The following ST3GAL2 variants were observed in gnomAD, a reference collection of about 807,000 sequenced individuals.
The protein encoded by ST3GAL2 is CMP-N-acetylneuraminate-beta-galactosamide-alpha-2,3-sialyltransferase 2.
In ST3GAL2, 16 loss-of-function variants were observed where a neutral mutation model predicts 37.5. That is an observed-to-expected ratio of 0.43 (90% CI 0.29 to 0.65). The LOEUF (loss-of-function observed/expected upper bound fraction) is 0.65. ST3GAL2 is among the 30% of genes least tolerant of loss of function. The pLI is 0.17. For synonymous variants in ST3GAL2, 238 were observed against 202.9 expected, an observed-to-expected ratio of 1.17 and a Z score of -1.47; for missense variants, 383 against 487.8, an observed-to-expected ratio of 0.79 and a Z score of 2.02.
At chr16:70,436,884 C>T (rs1218219639) in intron 1 of ST3GAL2, among the ~76,000 whole-genome samples, 2 of 152,102 alleles carry the variant, frequency 1.3e-5, no homozygotes, top group Admixed American at 6.6e-5. Context: ...TATAGGACAA[C>T]GCAAAATAAT....
Position 70,420,225 on chromosome 16 carries a change from T to C in ST3GAL2, c.-1004+18724A>G, listed in dbSNP as rs947335768. 2.0e-5 allele frequency among the ~76,000 whole-genome samples: 3 copies of C among 151,976 alleles called. No homozygotes were observed. The East Asian group carries it at 5.8e-4, about 29-fold the overall frequency. ...GAGACTTCTATAGTTTCTGCCAAGA[T>C]CAAATGTTGGAGAAAGCCTTTTGTA... On this transcript the variant is annotated intron_variant, in intron 1 of 6. Transcript: ENST00000342907.
At chr16:70,392,746 A>G (rs1302767713) in intron 3 of ST3GAL2, among the ~76,000 whole-genome samples, 2 of 152,072 alleles carry the variant, frequency 1.3e-5, no homozygotes, top group Admixed American at 6.6e-5. Context: ...TTGGTTCCAA[A>G]CTTGGATATG....
At chr16:70,416,124 T>C (rs1203233981) in intron 1 of ST3GAL2, among the ~76,000 whole-genome samples, 4 of 152,134 alleles carry the variant, frequency 2.6e-5, no homozygotes, top group African/African-American at 7.2e-5. Context: ...CTCCACTCTC[T>C]TCCTCCCGGA....
intron 1 of ST3GAL2, among the ~76,000 whole-genome samples, chr16:70,417,169 A>G (rs1438961478): frequency 6.6e-6 from 1 of 152,116 alleles, no homozygotes; most frequent in Non-Finnish European, 1.5e-5. Flanking sequence ...ATAAAGCTCT[A>G]CCTCCATGGC....
rs2047388873 is a variant in ST3GAL2, at chr16:70,380,319, AG to A, written c.*1369del. On this transcript the variant is annotated 3_prime_UTR_variant, in exon 7 of 7. Transcript: ENST00000342907. ...CAGCTGCAGGAACCTACCAACGGCC[AG>A]GAAGCTGCCTGGTGGTGTCAACTAA... 6.6e-6 allele frequency: 1 copy of A among 152,314 alleles called. No homozygotes were observed. The highest frequency in any genetic ancestry group is 2.1e-4 in the South Asian group (1 of 4,828). The allele number at this position is 152,314 out of a possible 1,614,324, so 9.4% of individuals were successfully genotyped here.
chr16:70,431,746 G>A (rs1045254043), intron 1 of ST3GAL2, among the ~76,000 whole-genome samples: 26 of 151,440 alleles, frequency 1.7e-4, no homozygotes, highest in South Asian at 6.3e-4. Flanking sequence ...GGCAGATCAC[G>A]AGGTCATGAG....
rs1351037520 is a variant in ST3GAL2 at position 70,406,961 on chromosome 16, T to G, written c.-1003-7428A>C. Among the ~76,000 whole-genome samples, 3 of 151,860 alleles carry G rather than the reference T, an allele frequency of 2.0e-5. No homozygotes were observed. The South Asian group carries it at 6.2e-4, about 32-fold the overall frequency. On this transcript the variant is annotated intron_variant, in intron 1 of 6. Coordinates refer to ENST00000342907, the MANE Select transcript of ST3GAL2 (RefSeq NM_006927.4). ...AGCAGCACGAGATGATGGCATCGAGTGTCGTCCTGGAGGGGGGCTACCTGT... is the reference window on the plus strand; with the variant it reads ...AGCAGCACGAGATGATGGCATCGAGGGTCGTCCTGGAGGGGGGCTACCTGT...
At chr16:70,402,585 AAATAAGG>A (rs1457111865) in intron 1 of ST3GAL2, among the ~76,000 whole-genome samples, 2 of 152,220 alleles carry the variant, frequency 1.3e-5, no homozygotes, top group Non-Finnish European at 2.9e-5. Flanking sequence ...GAGGTAGATG[AAATAAGG>A]AGGGCTGAAG....
intron 1 of ST3GAL2, among the ~76,000 whole-genome samples, chr16:70,433,590 C>G (rs2047805416): frequency 6.6e-6 from 1 of 152,154 alleles, no homozygotes; most frequent in Admixed American, 6.6e-5. Context: ...CTTCCTCCCT[C>G]AGATATGAAT....
chr16:70,378,258 C>CAAAAA lies in ST3GAL2; in HGVS notation c.*3426_*3430dup, dbSNP rs2047364921. 1 of 151,868 alleles carries CAAAAA rather than the reference C, an allele frequency of 6.6e-6. No homozygotes were observed. The highest frequency in any genetic ancestry group is 6.6e-5 in the Admixed American group (1 of 15,232). The allele number at this position is 151,868 out of a possible 1,614,324, so 9.4% of individuals were successfully genotyped here. A position where few individuals can be genotyped will look rare whatever the true frequency, so the allele number is the denominator to read the frequency against. On this transcript the variant is annotated 3_prime_UTR_variant, in exon 7 of 7. Transcript: ENST00000342907. ...TGAAACCCCGTCTCTACTAAAAATA[C>CAAAAA]AAAAATTAGCTGGGTGTGGTGGCAC...
At chr16:70,419,649 C>T (rs534149827) in intron 1 of ST3GAL2, among the ~76,000 whole-genome samples, 3 of 152,312 alleles carry the variant, frequency 2.0e-5, no homozygotes, top group Admixed American at 2.0e-4. Flanking sequence ...GCAGCAGCCT[C>T]GGGTCTCAGA....
intron 3 of ST3GAL2, among the ~76,000 whole-genome samples, chr16:70,392,890 T>C (rs573692047): frequency 2.8e-4 from 43 of 151,708 alleles, no homozygotes; most frequent in African/African-American, 9.9e-4. Context: ...GCTCAAACGA[T>C]CCTCCTGCCT....
At chr16:70,410,072 A>C (rs1485140231) in intron 1 of ST3GAL2, among the ~76,000 whole-genome samples, 1 of 151,186 alleles carries the variant, frequency 6.6e-6, no homozygotes, top group Non-Finnish European at 1.5e-5. Flanking sequence ...CAGTCCTCAG[A>C]CTTCTTTGCT....
intron 2 of ST3GAL2, among the ~76,000 whole-genome samples, chr16:70,397,620 G>A (rs925996857): frequency 2.0e-5 from 3 of 151,970 alleles, no homozygotes; most frequent in Non-Finnish European, 4.4e-5. Context: ...CAGCTACTTG[G>A]GAGGCTGAGG....
chr16:70,379,928 C>G lies in ST3GAL2; in HGVS notation c.*1761G>C, dbSNP rs1041701102. 12 of 151,848 alleles carry G rather than the reference C, an allele frequency of 7.9e-5. No individual in the cohort carries two copies. Among genetic ancestry groups the G allele is most frequent in the African/African-American group, 2.9e-4 (12 of 41,302 alleles). 9.4% of individuals were successfully genotyped at this position (151,848 alleles called of 1,614,324 possible). On this transcript the variant is annotated 3_prime_UTR_variant, in exon 7 of 7. Transcript: ENST00000342907. ...TGCTGGGATGACAGGTGTGAGCCAC[C>G]GTACCTGGCGGGATTCATGATTTAA...
Position 70,394,979 on chromosome 16 carries a change from C to T in ST3GAL2, c.533+3G>A, listed in dbSNP as rs376369543. ...CCCACCCTTGGGCTCCACAGGGGCT[C>T]ACCTCATGATGAAGTTGTGCCCGTC... On this transcript the variant is annotated splice_donor_region_variant and intron_variant, in intron 3 of 6. Transcript: ENST00000342907. 8.8e-5 allele frequency: 142 copies of T among 1,612,118 alleles called. No individual in the cohort carries two copies. Among genetic ancestry groups the T allele is most frequent in the Non-Finnish European group, 1.2e-4 (139 of 1,179,496 alleles).
intron 1 of ST3GAL2, among the ~76,000 whole-genome samples, chr16:70,424,322 C>T (rs1399795892): frequency 6.8e-6 from 1 of 148,034 alleles, no homozygotes; most frequent in Admixed American, 6.7e-5. Context: ...AGGTTCTTGG[C>T]TGGGCACAAT....
chr16:70,386,588 C>T (rs191121640), intron 4 of ST3GAL2, among the ~76,000 whole-genome samples: 2 of 151,894 alleles, frequency 1.3e-5, no homozygotes, highest in African/African-American at 2.4e-5. Flanking sequence ...TCGCCCACAT[C>T]GGCCTCCCAA....
At chr16:70,436,756 TA>T (rs1195627681) in intron 1 of ST3GAL2, among the ~76,000 whole-genome samples, 1 of 152,090 alleles carries the variant, frequency 6.6e-6, no homozygotes, top group Non-Finnish European at 1.5e-5. Flanking sequence ...CACTAGGTGC[TA>T]AGGACCAAGC....
Sources: allele counts gnomAD v4.1 joint callset (sites outside exome capture counted in the v4.1 genomes callset), GRCh38; gene constraint gnomAD v4.1.1; transcripts MANE v1.5; gene names NCBI Gene and HGNC (gene_info 2026-07-23, HGNC 2026-07-21).